Variants in LAMC3 observed in about 807,000 individuals in gnomAD.
The protein encoded by LAMC3 is laminin subunit gamma 3.
In LAMC3, 128 loss-of-function variants were observed where a neutral mutation model predicts 173.8. The observed-to-expected ratio is 0.74, with a 90% CI of 0.64 to 0.85. The LOEUF (loss-of-function observed/expected upper bound fraction) is 0.85. LAMC3 is among the 40% of genes least tolerant of loss of function. The pLI, the probability that LAMC3 is intolerant of heterozygous loss-of-function variation, is 0.00. For synonymous variants in LAMC3, 897 were observed against 909.1 expected, an observed-to-expected ratio of 0.99 and a Z score of 0.24; for missense variants, 2,022 against 2,156.0, an observed-to-expected ratio of 0.94 and a Z score of 1.23.
chr9:131,010,842 GC>G (rs1159430529), intron 1 of LAMC3, among the ~76,000 whole-genome samples: 6 of 152,170 alleles, frequency 3.9e-5, no homozygotes, highest in African/African-American at 1.4e-4. Flanking sequence ...CTCAGCCCCT[GC>G]CCCCACTGCA....
intron 24 of LAMC3, among the ~76,000 whole-genome samples, chr9:131,084,027 A>G (rs1180971932): frequency 6.9e-6 from 1 of 145,592 alleles, no homozygotes; most frequent in Non-Finnish European, 1.5e-5. Flanking sequence ...GGTGCCCGCC[A>G]CCACACCCGG....
chr9:131,051,934 GC>G (rs1834295041), intron 9 of LAMC3, among the ~76,000 whole-genome samples: 2 of 152,224 alleles, frequency 1.3e-5, no homozygotes, highest in South Asian at 4.1e-4. Flanking sequence ...GTACCGCACA[GC>G]GCTTGGTGGT....
intron 13 of LAMC3, among the ~76,000 whole-genome samples, chr9:131,063,358 G>C (rs1829867988): frequency 6.6e-6 from 1 of 152,230 alleles, no homozygotes; most frequent in African/African-American, 2.4e-5. Flanking sequence ...AGTGAGAGTG[G>C]ACAGTTAGAG....
chr9:131,052,777 C>A, intron 10 of LAMC3, 73 bp from the exon 11 acceptor site: 1 of 1,323,560 alleles, frequency 7.6e-7, no homozygotes. Flanking sequence ...GTCTGGGGGG[C>A]TACCCCCCAT....
At chr9:131,085,892 C>T (rs1273540953) in intron 25 of LAMC3, 169 bp downstream of exon 25, 8 of 708,504 alleles carry the variant, frequency 1.1e-5, no homozygotes, top group Admixed American at 2.0e-5. Context: ...GGGTTCCTCA[C>T]GAAATAGGTG....
In LAMC3 at chr9:131,032,039, C is replaced by T. The variant is rs1020272756; in HGVS notation, c.679-6C>T. Reference sequence around the variant, plus strand: ...TGCTGATGGCACCCTCTCCCCTCTGCCCCAGGAGTGGGTCACCAGCACCGA... The same window carrying T: ...TGCTGATGGCACCCTCTCCCCTCTGTCCCAGGAGTGGGTCACCAGCACCGA... On this transcript the variant is annotated splice_polypyrimidine_tract_variant and splice_region_variant and intron_variant, in intron 2 of 27. Transcript: ENST00000361069. The T allele has an allele frequency of 1.2e-6, 2 of 1,613,952 alleles. No homozygotes were observed. The highest frequency in any genetic ancestry group is 1.3e-5 in the African/African-American group (1 of 74,916).
chr9:131,079,017 G>A, intron 22 of LAMC3, 132 bp from the exon 23 acceptor site: 2 of 1,143,236 alleles, frequency 1.7e-6, no homozygotes, highest in Non-Finnish European at 2.6e-6. Context: ...GGTTTTCAGG[G>A]GGCTTGGGTT....
At chr9:131,053,958 G>T (rs1834347503) in intron 11 of LAMC3, among the ~76,000 whole-genome samples, 1 of 151,710 alleles carries the variant, frequency 6.6e-6, no homozygotes, top group East Asian at 1.9e-4. Context: ...TGTAGTGACT[G>T]TGCCACTGCA....
In LAMC3 at chr9:131,091,642, A is replaced by T; in HGVS notation, c.4583A>T (p.Lys1528Ile). 6.2e-7 allele frequency: 1 copy of T among 1,604,082 alleles called. No homozygotes were observed. The highest frequency in any genetic ancestry group is 8.5e-7 in the Non-Finnish European group (1 of 1,175,712). ...QLGSPGSLQR[K>I]LSLLEQESQQ... The stretch of plus-strand genomic sequence containing the variant: ...GGCTCCCCGGGGTCCTTGCAGAGGA[A>T]ACTCAGTCTGCTGGAGCAGGAATCC... Residue 1528 changes from lysine to isoleucine, a missense_variant, in exon 28 of 28, where the codon AAA becomes ATA. By Grantham distance (102) the Lys-to-Ile change is moderately radical. Coordinates refer to ENST00000361069, the MANE Select transcript of LAMC3 (RefSeq NM_006059.4).
At chr9:131,050,749 C>T (rs1010190274) in intron 9 of LAMC3, among the ~76,000 whole-genome samples, 4 of 148,178 alleles carry the variant, frequency 2.7e-5, no homozygotes, top group African/African-American at 5.0e-5. Context: ...GCCTGGGCGA[C>T]AGAGTGAGAC....
chr9:131,090,798 G>A (rs1276250633), intron 27 of LAMC3, among the ~76,000 whole-genome samples: 4 of 152,094 alleles, frequency 2.6e-5, no homozygotes, highest in Non-Finnish European at 4.4e-5. Context: ...AGGCTGAGGC[G>A]GGCAGATCAC....
At chr9:131,023,852 T>C (rs4740394) in intron 1 of LAMC3, among the ~76,000 whole-genome samples, 1,837 of 152,270 alleles carry the variant, frequency 0.012, 39 homozygotes, top group Admixed American at 0.051. Flanking sequence ...AATCTACTCC[T>C]CCTTTGTCAG....
intron 11 of LAMC3, among the ~76,000 whole-genome samples, chr9:131,055,496 C>G (rs1834384046): frequency 2.2e-5 from 3 of 135,500 alleles, no homozygotes; most frequent in South Asian, 2.2e-4. Context: ...ATGATCTCTG[C>G]TCACTGCAAG....
intron 1 of LAMC3, among the ~76,000 whole-genome samples, chr9:131,013,971 C>T (rs181007383): frequency 6.6e-6 from 1 of 152,372 alleles, no homozygotes; most frequent in East Asian, 1.9e-4. Flanking sequence ...CTCCCTCCTG[C>T]TCCCTGGGGG....
At chr9:131,068,740 T>G (rs1394069570) in intron 15 of LAMC3, among the ~76,000 whole-genome samples, 168 bp from the exon 16 acceptor site, 1 of 152,096 alleles carries the variant, frequency 6.6e-6, no homozygotes, top group Non-Finnish European at 1.5e-5. Flanking sequence ...CCTGGGAAAC[T>G]TGTGCTTTCC....
chr9:131,059,705 G>A (rs1164188253), intron 12 of LAMC3, among the ~76,000 whole-genome samples: 1 of 152,136 alleles, frequency 6.6e-6, no homozygotes, highest in Non-Finnish European at 1.5e-5. Context: ...CCCATGACTG[G>A]GATCAGTTTG....
intron 13 of LAMC3, among the ~76,000 whole-genome samples, chr9:131,066,359 C>T (rs145982130): frequency 0.016 from 2,363 of 151,688 alleles, 62 homozygotes; most frequent in African/African-American, 0.053. Context: ...AGCATGGTGG[C>T]GGGTGCCTGT....
chr9:131,012,564 C>T (rs1200709328), intron 1 of LAMC3, among the ~76,000 whole-genome samples: 1 of 152,200 alleles, frequency 6.6e-6, no homozygotes, highest in Non-Finnish European at 1.5e-5. Flanking sequence ...CAAGGGGCGC[C>T]GGGGGCCCAG....
chr9:131,059,353 G>A (rs1188270782), intron 12 of LAMC3, among the ~76,000 whole-genome samples: 5 of 151,542 alleles, frequency 3.3e-5, no homozygotes, highest in Admixed American at 2.0e-4. Flanking sequence ...TTAGCCAGGC[G>A]TGGTGGCGGG....
Sources: gnomAD v4.1 joint callset for allele counts (sites outside exome capture counted in the v4.1 genomes callset) on GRCh38, gnomAD v4.1.1 for gene constraint, MANE v1.5 for transcripts, NCBI Gene and HGNC (gene_info 2026-07-23, HGNC 2026-07-21) for gene names.